The following CDC42SE2 variants were observed in gnomAD, a reference collection of about 807,000 sequenced individuals.
The protein encoded by CDC42SE2 is CDC42 small effector 2, also known as CDC42 small effector protein 2.
A neutral mutation model predicts 11.5 loss-of-function variants in CDC42SE2; 3 were observed. The ratio of observed to expected loss-of-function variants is 0.26; its 90% CI spans 0.12 to 0.67. The LOEUF is 0.67. Ranked by LOEUF, CDC42SE2 falls within the 30% of genes least tolerant of loss-of-function variation. The probability of loss-of-function intolerance (pLI) is 0.80; values close to 1 mark genes in which losing one functional copy is unlikely to be tolerated. For synonymous variants in CDC42SE2, 33 were observed against 34.8 expected, an observed-to-expected ratio of 0.95 and a Z score of 0.18; for missense variants, 82 against 106.8, an observed-to-expected ratio of 0.77 and a Z score of 1.02.
chr5:131,380,004 G>A lies in CDC42SE2; in HGVS notation c.55-5539G>A, dbSNP rs190371763. On this transcript the variant is annotated intron_variant, in intron 3 of 4. Transcript: ENST00000505065. ...TCTCGGCTCACTGCAACCTCTCCCC[G>A]CCAACCCCCCACCCCAGGTTCAAGT... is the stretch of plus-strand genomic sequence containing the variant. Among the ~76,000 whole-genome samples the A allele has an allele frequency of 4.2e-3, 623 of 148,672 alleles. 4 individuals carry two copies. The highest frequency in any genetic ancestry group is 0.013 in the African/African-American group (539 of 40,236).
At chr5:131,253,506 T>A (rs905100652) in intron 1 of CDC42SE2, among the ~76,000 whole-genome samples, 5 of 152,224 alleles carry the variant, frequency 3.3e-5, no homozygotes, top group Non-Finnish European at 5.9e-5. Context: ...GACTCATGCC[T>A]GTAATCCCAG....
chr5:131,284,438 A>G (rs1757300624), intron 1 of CDC42SE2, among the ~76,000 whole-genome samples: 1 of 152,172 alleles, frequency 6.6e-6, no homozygotes, highest in Non-Finnish European at 1.5e-5. Flanking sequence ...TACGTGTACA[A>G]CTGTTCAGTG....
chr5:131,284,645 A>AT (rs1175031098), intron 1 of CDC42SE2, among the ~76,000 whole-genome samples: 5 of 151,722 alleles, frequency 3.3e-5, no homozygotes, highest in Non-Finnish European at 5.9e-5. Context: ...TAATTTAAAA[A>AT]TTTTTTTTGG....
the CDC42SE2 span, among the ~76,000 whole-genome samples, chr5:131,218,953 A>G: frequency 1.3e-5 from 2 of 152,248 alleles, no homozygotes; most frequent in African/African-American, 4.8e-5. Context: ...GCTAAAGCCA[A>G]TCTATGTCTT....
chr5:131,331,261 AT>A (rs1758414419), intron 2 of CDC42SE2, among the ~76,000 whole-genome samples: 1 of 152,208 alleles, frequency 6.6e-6, no homozygotes, highest in African/African-American at 2.4e-5. Context: ...GAATTAATGT[AT>A]TAAGTATTTA....
chr5:131,245,045 C>T (rs149169588), upstream of CDC42SE2, among the ~76,000 whole-genome samples: 999 of 152,160 alleles, frequency 6.6e-3, 10 homozygotes, highest in African/African-American at 0.021. Flanking sequence ...GGGAGCAAAT[C>T]CACAAACCAA....
At chr5:131,362,480 T>G (rs1352148441) in intron 3 of CDC42SE2, among the ~76,000 whole-genome samples, 4 of 152,216 alleles carry the variant, frequency 2.6e-5, no homozygotes, top group Non-Finnish European at 4.4e-5. Context: ...CAAGACTGCC[T>G]TATCTTAAAG....
the CDC42SE2 span, among the ~76,000 whole-genome samples, chr5:131,214,007 C>T: frequency 6.6e-6 from 1 of 152,116 alleles, no homozygotes; most frequent in Non-Finnish European, 1.5e-5. Context: ...AAAGACAAGA[C>T]AGTTTAGGGT....
chr5:131,246,815 C>T (rs1434103816), intron 1 of CDC42SE2, among the ~76,000 whole-genome samples: 1 of 144,912 alleles, frequency 6.9e-6, no homozygotes, highest in Non-Finnish European at 1.5e-5. Context: ...GTGATCTCAG[C>T]TCACCACAAT....
At chr5:131,224,490 C>T in the CDC42SE2 span, among the ~76,000 whole-genome samples, 1 of 152,090 alleles carries the variant, frequency 6.6e-6, no homozygotes, top group African/African-American at 2.4e-5. Flanking sequence ...TTGGGTTCTC[C>T]CTTCAAATAT....
At chr5:131,341,170 AC>A (rs1758703444) in intron 2 of CDC42SE2, among the ~76,000 whole-genome samples, 2 of 152,236 alleles carry the variant, frequency 1.3e-5, no homozygotes, top group Non-Finnish European at 2.9e-5. Flanking sequence ...TTCCTGGACA[AC>A]ATTTTCCAGT....
At chr5:131,251,264 C>G (rs1371217557) in intron 1 of CDC42SE2, among the ~76,000 whole-genome samples, 1 of 152,168 alleles carries the variant, frequency 6.6e-6, no homozygotes, top group Non-Finnish European at 1.5e-5. Flanking sequence ...CAGGTCTTGA[C>G]TGGAGTAGAA....
In CDC42SE2 at chr5:131,329,182, A is replaced by G. The variant is rs147667532; in HGVS notation, c.-286+13038A>G. 4.4e-3 allele frequency among the ~76,000 whole-genome samples: 677 copies of G among 152,354 alleles called. 11 individuals are homozygous for G. The highest frequency in any genetic ancestry group is 0.027 in the South Asian group (128 of 4,828). On this transcript the variant is annotated intron_variant, in intron 2 of 4. Coordinates refer to ENST00000505065, the MANE Select transcript of CDC42SE2 (RefSeq NM_001375635.1). ...TGCCAATTTCTGTGGCTAAGGGGCA[A>G]TCAAGGGGGAGGGAAAGGCAAAATC...
intron 1 of CDC42SE2, among the ~76,000 whole-genome samples, chr5:131,302,107 A>G (rs1757695450): frequency 6.6e-6 from 1 of 152,004 alleles, no homozygotes; most frequent in South Asian, 2.1e-4. Flanking sequence ...CCCCGGCTCA[A>G]GCGATTCTCC....
chr5:131,311,676 A>G (rs1473294057), intron 1 of CDC42SE2, among the ~76,000 whole-genome samples: 1 of 151,904 alleles, frequency 6.6e-6, no homozygotes, highest in African/African-American at 2.4e-5. Context: ...TTCCCTTCTC[A>G]CTTCATTTCA....
chr5:131,210,704 A>G, the CDC42SE2 span, among the ~76,000 whole-genome samples: 3 of 152,220 alleles, frequency 2.0e-5, no homozygotes, highest in East Asian at 5.8e-4. Flanking sequence ...TTTCTTTGGT[A>G]TTCTAGGTAG....
At chr5:131,294,846 G>A (rs1757533767) in intron 1 of CDC42SE2, among the ~76,000 whole-genome samples, 1 of 152,048 alleles carries the variant, frequency 6.6e-6, no homozygotes, top group Non-Finnish European at 1.5e-5. Flanking sequence ...AGAAAAATTA[G>A]GCTGGGTGCA....
intron 4 of CDC42SE2, among the ~76,000 whole-genome samples, chr5:131,386,219 G>A (rs534121151): frequency 6.6e-5 from 10 of 152,286 alleles, no homozygotes; most frequent in Admixed American, 5.9e-4. Flanking sequence ...CCTTGCATGT[G>A]CAGTTCGCAA....
chr5:131,362,229 G>T (rs948791195), intron 3 of CDC42SE2, among the ~76,000 whole-genome samples: 3 of 152,088 alleles, frequency 2.0e-5, no homozygotes, highest in African/African-American at 7.2e-5. Flanking sequence ...TATGTTAGTT[G>T]TTTGTTATTG....
Sources: allele counts gnomAD v4.1 joint callset (sites outside exome capture counted in the v4.1 genomes callset), GRCh38; gene constraint gnomAD v4.1.1; transcripts MANE v1.5; gene names NCBI Gene and HGNC (gene_info 2026-07-23, HGNC 2026-07-21).